Variants in PCSK5 observed in about 807,000 individuals in gnomAD.
The protein encoded by PCSK5 is proprotein convertase subtilisin/kexin type 5.
A neutral mutation model predicts 233.2 loss-of-function variants in PCSK5; 129 were observed. The observed-to-expected ratio is 0.55, with a 90% CI of 0.48 to 0.64. The LOEUF is 0.64. Ranked by LOEUF, PCSK5 falls within the 30% of genes least tolerant of loss-of-function variation. The probability of loss-of-function intolerance (pLI) is 0.00; values close to 1 mark genes in which losing one functional copy is unlikely to be tolerated. For missense variants in PCSK5, 2,076 were observed against 2,430.1 expected, an observed-to-expected ratio of 0.85 and a Z score of 3.06; for synonymous variants, 825 against 879.2, an observed-to-expected ratio of 0.94 and a Z score of 1.09.
rs553388726 is a variant in PCSK5, at chr9:76,159,082, G to A, written c.1530G>A (p.Val510=). 1.2e-6 allele frequency: 2 copies of A among 1,614,128 alleles called. No individual in the cohort carries two copies. Among genetic ancestry groups the A allele is most frequent in the Non-Finnish European group, 1.7e-6 (2 of 1,180,006 alleles). Residue 510 remains valine, a synonymous_variant, in exon 12 of 38, where the codon GTG becomes GTA. Transcript: ENST00000674117. ...TCAACTACCTGGAGCACGTCGTTGT[G>A]CGCATCACCATCACCCACCCCAGGA... is the stretch of plus-strand genomic sequence containing the variant. ...RHVNYLEHVV[V]RITITHPRRG...
intron 17 of PCSK5, among the ~76,000 whole-genome samples, chr9:76,188,294 G>C (rs559845415): frequency 1.3e-5 from 2 of 148,882 alleles, no homozygotes. Context: ...AAGATGTTGC[G>C]CAAAGTAGGA....
intron 4 of PCSK5, 145 bp from the exon 5 acceptor site, chr9:76,026,816 A>G: frequency 1.8e-6 from 1 of 543,420 alleles, no homozygotes; most frequent in Non-Finnish European, 3.3e-6. Context: ...AGGCATCCTG[A>G]CACCACTGAA....
intron 15 of PCSK5, among the ~76,000 whole-genome samples, chr9:76,180,470 C>T (rs1823813813): frequency 6.6e-6 from 1 of 152,220 alleles, no homozygotes; most frequent in South Asian, 2.1e-4. Context: ...CACTCTTCTG[C>T]CCTGGGCACT....
chr9:75,992,199 G>A lies in PCSK5; in HGVS notation c.411+5954G>A, dbSNP rs146850696. 1.8e-3 allele frequency among the ~76,000 whole-genome samples: 278 copies of A among 152,300 alleles called. 3 individuals carry two copies. Among genetic ancestry groups the A allele is most frequent in the African/African-American group, 5.9e-3 (247 of 41,572 alleles). ...GTCCCTCGTGATCTCTATTTTAGTAGCATCTCTTCATCCTCTACAGAGTCA... is the reference window on the plus strand; with the variant it reads ...GTCCCTCGTGATCTCTATTTTAGTAACATCTCTTCATCCTCTACAGAGTCA... On this transcript the variant is annotated intron_variant, in intron 3 of 37. Coordinates refer to ENST00000674117, the MANE Select transcript of PCSK5 (RefSeq NM_001372043.1).
At chr9:75,935,399 A>G (rs572376904) in intron 2 of PCSK5, among the ~76,000 whole-genome samples, 1 of 152,314 alleles carries the variant, frequency 6.6e-6, no homozygotes, top group South Asian at 2.1e-4. Flanking sequence ...TAAGGTATGC[A>G]TATATATACA....
In PCSK5 at chr9:76,116,437, G is replaced by A. The variant is rs371229544; in HGVS notation, c.1208+9086G>A. On this transcript the variant is annotated intron_variant, in intron 9 of 37. Coordinates refer to ENST00000674117, the MANE Select transcript of PCSK5 (RefSeq NM_001372043.1). ...ATGTTGTTTGCATATCACAGAAAAC[G>A]CAATAAGTCTGTGACACCTGGTAGT... Among the ~76,000 whole-genome samples, 6 of 152,114 alleles carry A rather than the reference G, an allele frequency of 3.9e-5. No homozygotes were observed. The South Asian group carries it at 8.3e-4, about 21-fold the overall frequency.
At chr9:75,971,853 A>T (rs533770659) in intron 2 of PCSK5, among the ~76,000 whole-genome samples, 2 of 151,696 alleles carry the variant, frequency 1.3e-5, no homozygotes, top group Non-Finnish European at 2.9e-5. Context: ...GATTGCAAAA[A>T]TTTTCTCACA....
At chr9:76,063,326 T>C (rs1034281407) in intron 5 of PCSK5, among the ~76,000 whole-genome samples, 5 of 132,594 alleles carry the variant, frequency 3.8e-5, no homozygotes, top group Admixed American at 7.5e-5. Context: ...TTTCTTTTTT[T>C]TTTTTTTTTT....
intron 20 of PCSK5, among the ~76,000 whole-genome samples, chr9:76,219,556 T>C (rs10781347): frequency 0.28 from 42,740 of 152,030 alleles, 5,981 homozygotes; most frequent in South Asian, 0.31. Flanking sequence ...TCTATGTAGT[T>C]CAGAACCTCA....
chr9:76,110,975 C>G (rs1216070639), intron 9 of PCSK5, among the ~76,000 whole-genome samples: 1 of 152,038 alleles, frequency 6.6e-6, no homozygotes, highest in Non-Finnish European at 1.5e-5. Context: ...GGCGTGGTAG[C>G]ATGCGCCCAT....
intron 2 of PCSK5, among the ~76,000 whole-genome samples, chr9:75,968,955 T>C (rs925752357): frequency 6.6e-6 from 1 of 150,692 alleles, no homozygotes; most frequent in African/African-American, 2.5e-5. Context: ...CGGGAACATT[T>C]GTGTTCACTG....
Position 76,088,813 on chromosome 9 carries a change from T to C in PCSK5, c.895-7077T>C, listed in dbSNP as rs370880398. Reference sequence around the variant, plus strand: ...TATGATAAATGTTATCAAAAAGTTATTTAAATTGCTTAAAGAAGCAATATG... The same window carrying C: ...TATGATAAATGTTATCAAAAAGTTACTTAAATTGCTTAAAGAAGCAATATG... On this transcript the variant is annotated intron_variant, in intron 7 of 37. Transcript: ENST00000674117. Among the ~76,000 whole-genome samples the C allele has an allele frequency of 9.8e-5, 15 of 152,346 alleles. No homozygotes were observed. The East Asian group carries it at 2.7e-3, about 27-fold the overall frequency.
intron 7 of PCSK5, among the ~76,000 whole-genome samples, chr9:76,078,982 T>C (rs1330726580): frequency 6.6e-6 from 1 of 152,222 alleles, no homozygotes; most frequent in Non-Finnish European, 1.5e-5. Flanking sequence ...TATTTGTTTG[T>C]GTCATCTCTG....
At chr9:76,325,601 GGAAACT>G (rs1829336529) in intron 32 of PCSK5, among the ~76,000 whole-genome samples, 1 of 152,070 alleles carries the variant, frequency 6.6e-6, no homozygotes, top group African/African-American at 2.4e-5. Context: ...GGACAGAGTT[GGAAACT>G]CACTTGAGGT....
In PCSK5 at chr9:76,066,168, G is replaced by T. The variant is rs183099313; in HGVS notation, c.633-1787G>T. Reference sequence around the variant, plus strand: ...AGGACTTTTTTTCCATTTCTGTGAAGAATGTAATTGGTATTTTGATAGGGA... The same window carrying T: ...AGGACTTTTTTTCCATTTCTGTGAATAATGTAATTGGTATTTTGATAGGGA... On this transcript the variant is annotated intron_variant, in intron 5 of 37. Coordinates refer to ENST00000674117, the MANE Select transcript of PCSK5 (RefSeq NM_001372043.1). Among the ~76,000 whole-genome samples, 4 of 152,268 alleles carry T rather than the reference G, an allele frequency of 2.6e-5. No homozygotes were observed. In the East Asian group the frequency reaches 7.7e-4, roughly 29 times the overall value.
intron 7 of PCSK5, among the ~76,000 whole-genome samples, chr9:76,074,712 T>A (rs1830585527): frequency 6.6e-6 from 1 of 152,186 alleles, no homozygotes; most frequent in African/African-American, 2.4e-5. Context: ...CACAGAGATG[T>A]TATAAATGCA....
intron 10 of PCSK5, among the ~76,000 whole-genome samples, chr9:76,136,771 G>T (rs548662360): frequency 6.6e-6 from 1 of 152,040 alleles, no homozygotes; most frequent in Non-Finnish European, 1.5e-5. Context: ...TGCTCAATAG[G>T]TACCTGCCAG....
At chr9:75,890,565 C>T (rs1195884209), upstream of PCSK5, 1 of 152,666 alleles carries the variant, frequency 6.6e-6, no homozygotes, top group African/African-American at 2.4e-5. Context: ...CTGGCTGCGG[C>T]CGCTTTCAAG....
chr9:76,255,634 G>A (rs1005808281), intron 24 of PCSK5, among the ~76,000 whole-genome samples: 4 of 152,132 alleles, frequency 2.6e-5, no homozygotes, highest in African/African-American at 7.2e-5. Context: ...TTCAAAACCA[G>A]CCTGGCCAAC....
Sources: gnomAD v4.1 joint callset for allele counts (sites outside exome capture counted in the v4.1 genomes callset) on GRCh38, gnomAD v4.1.1 for gene constraint, MANE v1.5 for transcripts, NCBI Gene and HGNC (gene_info 2026-07-23, HGNC 2026-07-21) for gene names.